The following MEMO1 variants were observed in gnomAD, a reference collection of about 807,000 sequenced individuals.
The protein encoded by MEMO1 is protein MEMO1.
Under a neutral mutation model 45.2 loss-of-function variants are expected in MEMO1, and 6 were observed. The ratio of observed to expected loss-of-function variants is 0.13; its 90% confidence interval spans 0.07 to 0.26. The LOEUF is 0.26. MEMO1 is among the 10% of genes least tolerant of loss of function. The pLI is 1.00. For synonymous variants in MEMO1, 78 were observed against 124.3 expected (o/e 0.63, Z 2.48); for missense variants, 184 against 370.5 (o/e 0.50, Z 4.13).
At chr2:31,974,144 C>T (rs373979763) in intron 2 of MEMO1, among the ~76,000 whole-genome samples, 48 of 142,606 alleles carry the variant, frequency 3.4e-4, no homozygotes, top group East Asian at 2.7e-3. Flanking sequence ...CATGGATATT[C>T]ACAAAACATG....
chr2:31,972,033 T>C lies in MEMO1; in HGVS notation c.62-28650A>G, dbSNP rs187025818. ...ACCAAGCATGTGGAAGATTCAATAA[T>C]ATAAAATTATATCAAGCGCCTTATA... is the stretch of plus-strand genomic sequence containing the variant. On this transcript the variant is annotated intron_variant, in intron 2 of 9. Transcript: ENST00000404530. Among the ~76,000 whole-genome samples the C allele has an allele frequency of 3.3e-5, 5 of 152,214 alleles. No individual in the cohort carries two copies. In the East Asian group the frequency reaches 5.8e-4, roughly 18 times the overall value.
At chr2:31,964,005 T>C (rs935349487) in intron 2 of MEMO1, among the ~76,000 whole-genome samples, 1 of 152,232 alleles carries the variant, frequency 6.6e-6, no homozygotes, top group Non-Finnish European at 1.5e-5. Context: ...AAAAGTATTA[T>C]TCAAACCAAT....
intron 2 of MEMO1, among the ~76,000 whole-genome samples, chr2:31,951,593 C>T (rs1250278333): frequency 6.6e-6 from 1 of 151,480 alleles, no homozygotes; most frequent in Non-Finnish European, 1.5e-5. Context: ...AGTGCAGTGG[C>T]ACGATCTCGG....
At chr2:31,995,303 T>C (rs1353127146) in intron 2 of MEMO1, among the ~76,000 whole-genome samples, 2 of 151,728 alleles carry the variant, frequency 1.3e-5, no homozygotes, top group African/African-American at 4.8e-5. Flanking sequence ...AATACAAAAA[T>C]TAGCCGGGTG....
Position 32,002,172 on chromosome 2 carries a change from T to A in MEMO1, c.61+8015A>T, listed in dbSNP as rs962147537. Among the ~76,000 whole-genome samples, 376 of 115,088 alleles carry A rather than the reference T, an allele frequency of 3.3e-3. 1 individual carries two copies. The highest frequency in any genetic ancestry group is 6.8e-3 in the South Asian group (24 of 3,542). 75.5% of individuals were successfully genotyped at this position (115,088 alleles called of 152,430 possible). ...AAAAAAAAAAAAAAAAAAAAAAATA[T>A]ATATATATATATATACACACACACA... is the stretch of plus-strand genomic sequence containing the variant. On this transcript the variant is annotated intron_variant, in intron 2 of 9. Coordinates refer to ENST00000404530, the MANE Select transcript of MEMO1 (RefSeq NM_001301833.4).
At chr2:31,926,019 A>G (rs1414750642) in intron 4 of MEMO1, among the ~76,000 whole-genome samples, 1 of 152,164 alleles carries the variant, frequency 6.6e-6, no homozygotes, top group Non-Finnish European at 1.5e-5. Context: ...TCAAAAGACA[A>G]CTGTAGATAA....
intron 2 of MEMO1, among the ~76,000 whole-genome samples, chr2:31,976,461 C>T (rs951950729): frequency 1.3e-5 from 2 of 151,850 alleles, no homozygotes; most frequent in African/African-American, 4.8e-5. Flanking sequence ...GCCTGTAATC[C>T]CAGCTACTCA....
At position 31,868,071 on chromosome 2, in the gene MEMO1, A is replaced by G. The variant is rs573326541; in HGVS notation, c.*290T>C. On this transcript the variant is annotated 3_prime_UTR_variant, in exon 10 of 10. Transcript: ENST00000404530. The stretch of plus-strand genomic sequence containing the variant: ...ATTTAGGATATGGTAAATGCTTTAC[A>G]AGTTACTTTCAAAAAACTGTCTGCC... The G allele has an allele frequency of 3.4e-4, 79 of 229,540 alleles. No homozygotes were observed. The South Asian group carries it at 3.8e-3, about 11-fold the overall frequency. 14.2% of individuals were successfully genotyped at this position (229,540 alleles called of 1,614,324 possible). A position where few individuals can be genotyped will look rare whatever the true frequency, so the allele number is the denominator to read the frequency against.
At chr2:31,994,980 G>A (rs1233560546) in intron 2 of MEMO1, among the ~76,000 whole-genome samples, 2 of 150,610 alleles carry the variant, frequency 1.3e-5, no homozygotes, top group Non-Finnish European at 1.5e-5. Context: ...GAGAGAGGAA[G>A]GGAGGAAGGG....
In MEMO1 at chr2:32,007,605, G is replaced by C. The variant is rs75228093; in HGVS notation, c.61+2582C>G. Among the ~76,000 whole-genome samples the C allele has an allele frequency of 2.6e-4, 39 of 152,254 alleles. No homozygotes were observed. The East Asian group carries it at 6.7e-3, about 26-fold the overall frequency. ...CAAATGTGTTTTCACCCTTATTTAT[G>C]TCGGTAATTAAACACATTAATTCTA... On this transcript the variant is annotated intron_variant, in intron 2 of 9. Transcript: ENST00000404530.
At chr2:31,883,903 GA>G (rs5830216) in intron 7 of MEMO1, among the ~76,000 whole-genome samples, 9,603 of 139,264 alleles carry the variant, frequency 0.069, 425 homozygotes, top group Non-Finnish European at 0.1. Flanking sequence ...TATTACGGGG[GA>G]AAAAAAAAAA....
At chr2:31,995,547 A>G (rs768647178) in intron 2 of MEMO1, among the ~76,000 whole-genome samples, 3 of 152,186 alleles carry the variant, frequency 2.0e-5, no homozygotes, top group Non-Finnish European at 2.9e-5. Flanking sequence ...AAGCAAAATT[A>G]GATACTGCAG....
At chr2:31,931,114 T>C (rs1390083289) in intron 4 of MEMO1, among the ~76,000 whole-genome samples, 2 of 152,190 alleles carry the variant, frequency 1.3e-5, no homozygotes. Context: ...TTTAGAAATA[T>C]TATTGCTTTA....
chr2:31,966,141 A>G (rs1462952962), intron 2 of MEMO1, among the ~76,000 whole-genome samples: 1 of 152,214 alleles, frequency 6.6e-6, no homozygotes, highest in Non-Finnish European at 1.5e-5. Context: ...CTCCTCATTC[A>G]AAAAGTGAGA....
At chr2:31,986,377 CAGG>C (rs1223839224) in intron 2 of MEMO1, among the ~76,000 whole-genome samples, 1 of 152,112 alleles carries the variant, frequency 6.6e-6, no homozygotes, top group Non-Finnish European at 1.5e-5. Context: ...GAGGCTGAGA[CAGG>C]AGAATGGCAT....
At position 31,876,582 on chromosome 2, in the gene MEMO1, C is replaced by A. The variant is rs1674595509; in HGVS notation, c.658-6630G>T. ...TGTATATGTACTCAAAAATAATTGG[C>A]AAAATGAAAATCCAAATGTCTACCT... On this transcript the variant is annotated intron_variant, in intron 8 of 9. Transcript: ENST00000404530. 2.0e-5 allele frequency among the ~76,000 whole-genome samples: 3 copies of A among 152,062 alleles called. No individual in the cohort carries two copies. The South Asian group carries it at 6.2e-4, about 32-fold the overall frequency.
At chr2:32,007,666 G>T (rs892047166) in intron 2 of MEMO1, among the ~76,000 whole-genome samples, 4 of 152,132 alleles carry the variant, frequency 2.6e-5, no homozygotes, top group African/African-American at 9.7e-5. Flanking sequence ...ACCACAGAAT[G>T]ACAATCCACA....
At chr2:31,936,577 A>G (rs539168004) in intron 3 of MEMO1, among the ~76,000 whole-genome samples, 9 of 152,240 alleles carry the variant, frequency 5.9e-5, no homozygotes, top group African/African-American at 1.9e-4. Context: ...AAGGCCATTC[A>G]TTGCTCATGA....
intron 6 of MEMO1, 104 bp from the exon 7 acceptor site, chr2:31,892,238 G>A: frequency 5.3e-6 from 5 of 943,364 alleles, no homozygotes; most frequent in South Asian, 3.8e-5. Context: ...ATAGTGGTAA[G>A]GATAACATAT....
Sources: allele counts gnomAD v4.1 joint callset (sites outside exome capture counted in the v4.1 genomes callset), GRCh38; gene constraint gnomAD v4.1.1; transcripts MANE v1.5; gene names NCBI Gene and HGNC (gene_info 2026-07-23, HGNC 2026-07-21).